Variants in ATP8A1 observed in about 807,000 individuals in gnomAD.
ATP8A1 encodes the protein ATPase phospholipid transporting 8A1, also known as phospholipid-transporting ATPase IA.
Under a neutral mutation model 177.7 loss-of-function variants are expected in ATP8A1, and 90 were observed. The ratio of observed to expected loss-of-function variants is 0.51; its 90% CI spans 0.43 to 0.60. The LOEUF (loss-of-function observed/expected upper bound fraction) is 0.60, where lower values mean the gene tolerates loss of function less well. ATP8A1 is among the 20% of genes least tolerant of loss of function. ATP8A1 has a pLI of 0.00. For synonymous variants in ATP8A1, 493 were observed against 485.9 expected (o/e 1.01, Z -0.19); for missense variants, 1,072 against 1,392.8 (o/e 0.77, Z 3.67).
intron 15 of ATP8A1, among the ~76,000 whole-genome samples, chr4:42,565,844 A>G (rs1471004849): frequency 6.6e-6 from 1 of 152,222 alleles, no homozygotes; most frequent in East Asian, 1.9e-4. Context: ...GAAAATGAGC[A>G]TATCTTAGGG....
intron 25 of ATP8A1, among the ~76,000 whole-genome samples, chr4:42,484,033 C>A (rs1004076421): frequency 5.3e-5 from 8 of 152,162 alleles, no homozygotes; most frequent in African/African-American, 1.9e-4. Context: ...TGCTTTTGAG[C>A]AATCTTTTGT....
intron 35 of ATP8A1, 40 bp downstream of exon 35, chr4:42,422,767 A>G (rs1159167060): frequency 4.0e-6 from 6 of 1,498,636 alleles, no homozygotes; most frequent in Middle Eastern, 1.7e-4. Flanking sequence ...GATAAATTTA[A>G]AGTTCATTTG....
At chr4:42,454,081 T>C (rs1375839377) in intron 29 of ATP8A1, among the ~76,000 whole-genome samples, 1 of 152,200 alleles carries the variant, frequency 6.6e-6, no homozygotes, top group Non-Finnish European at 1.5e-5. Flanking sequence ...TCAGAACCAA[T>C]GGCATAAGTT....
chr4:42,582,061 G>C (rs1733144107), intron 9 of ATP8A1, among the ~76,000 whole-genome samples: 1 of 152,124 alleles, frequency 6.6e-6, no homozygotes, highest in Admixed American at 6.5e-5. Flanking sequence ...ATGTGATTTA[G>C]AAGAGGTCAT....
intron 27 of ATP8A1, chr4:42,459,582 T>C (rs760937905): frequency 1.1e-5 from 3 of 267,756 alleles, no homozygotes; most frequent in South Asian, 7.1e-5. Flanking sequence ...ATAGAAGGGA[T>C]TGAGAATAGA....
intron 15 of ATP8A1, among the ~76,000 whole-genome samples, chr4:42,559,809 G>A (rs1373170685): frequency 6.6e-6 from 1 of 152,170 alleles, no homozygotes; most frequent in Non-Finnish European, 1.5e-5. Flanking sequence ...GGGTTCAAGC[G>A]ATTCTCCTGC....
chr4:42,428,185 T>C (rs1235531813), intron 33 of ATP8A1, among the ~76,000 whole-genome samples: 1 of 152,200 alleles, frequency 6.6e-6, no homozygotes, highest in East Asian at 1.9e-4. Context: ...CTGGAAGGGT[T>C]TGCAGTTTGT....
intron 14 of ATP8A1, among the ~76,000 whole-genome samples, chr4:42,569,455 ACTGATTTTATTCACAAAGTTCATAATT>A (rs1432324241): frequency 1.3e-5 from 2 of 152,192 alleles, no homozygotes; most frequent in African/African-American, 4.8e-5. Context: ...CAGAACATTT[ACTGATTTTATTCACAAAGTTCATAATT>A]CAGTAGGAAT....
chr4:42,587,010 A>G (rs893194022), intron 8 of ATP8A1, among the ~76,000 whole-genome samples: 4 of 152,190 alleles, frequency 2.6e-5, no homozygotes, highest in African/African-American at 9.7e-5. Context: ...TCTAGTTCCA[A>G]CACATCCCAA....
rs756455196 is a variant in ATP8A1, at chr4:42,588,319, C to T, written c.535G>A (p.Ala179Thr). 3.7e-6 allele frequency: 6 copies of T among 1,613,318 alleles called. No individual in the cohort carries two copies. Among genetic ancestry groups the T allele is most frequent in the Non-Finnish European group, 5.1e-6 (6 of 1,179,754 alleles). ...TTGGATGTTTCAATGTAGCACATGG[C>T]TTGGGGCTCACTGTAGTTTGGAGTT... ...LISLSSSEPQ[A>T]MCYIETSNLD... Residue 179 changes from alanine (A) to threonine (T), a missense_variant, in exon 8 of 37, where the codon GCC (alanine) becomes ACC (threonine). Ala to Thr is a moderately conservative substitution (Grantham distance 58). Transcript: ENST00000381668.
chr4:42,441,489 T>C (rs922425489), intron 33 of ATP8A1, among the ~76,000 whole-genome samples: 9 of 152,140 alleles, frequency 5.9e-5, no homozygotes, highest in Non-Finnish European at 1.2e-4. Context: ...CCTATATCTA[T>C]AATAAAAATG....
chr4:42,590,248 A>G (rs1018846779), intron 7 of ATP8A1, among the ~76,000 whole-genome samples: 3 of 152,222 alleles, frequency 2.0e-5, no homozygotes, highest in African/African-American at 4.8e-5. Context: ...CAAGTGGGAT[A>G]AAAGTCGATC....
chr4:42,607,588 GT>G (rs1735921706), intron 5 of ATP8A1, among the ~76,000 whole-genome samples: 1 of 151,308 alleles, frequency 6.6e-6, no homozygotes, highest in South Asian at 2.1e-4. Flanking sequence ...AGCATTTAGG[GT>G]TGTTGAGCCA....
At chr4:42,490,520 A>G (rs936081130) in intron 24 of ATP8A1, among the ~76,000 whole-genome samples, 1 of 152,128 alleles carries the variant, frequency 6.6e-6, no homozygotes. Flanking sequence ...GGCCTGTTTT[A>G]CTGAGAACAT....
intron 5 of ATP8A1, among the ~76,000 whole-genome samples, chr4:42,611,293 T>C (rs1004127200): frequency 2.0e-5 from 3 of 152,218 alleles, no homozygotes; most frequent in Admixed American, 1.3e-4. Context: ...TTTTTAGCTA[T>C]GTGTCTAGTT....
chr4:42,436,317 G>A (rs1715993539), intron 33 of ATP8A1, among the ~76,000 whole-genome samples: 1 of 74,688 alleles, frequency 1.3e-5, no homozygotes, highest in African/African-American at 5.4e-5. Flanking sequence ...CACATTAGAC[G>A]CTCGATCTAC....
chr4:42,603,226 T>G (rs1735477428), intron 5 of ATP8A1, among the ~76,000 whole-genome samples: 1 of 152,238 alleles, frequency 6.6e-6, no homozygotes, highest in African/African-American at 2.4e-5. Context: ...GCTATCTTTC[T>G]GTACTTATTT....
At chr4:42,499,979 G>A (rs1307825782) in intron 24 of ATP8A1, among the ~76,000 whole-genome samples, 2 of 152,146 alleles carry the variant, frequency 1.3e-5, no homozygotes, top group Non-Finnish European at 2.9e-5. Context: ...GAAGTCTGTG[G>A]GACATTTCCT....
Position 42,539,591 on chromosome 4 carries a change from G to A in ATP8A1, c.1722+4326C>T, listed in dbSNP as rs550867965. Among the ~76,000 whole-genome samples the A allele has an allele frequency of 5.3e-5, 8 of 151,984 alleles. No homozygotes were observed. The East Asian group carries it at 1.5e-3, about 29-fold the overall frequency. On this transcript the variant is annotated intron_variant, in intron 20 of 36. Coordinates refer to ENST00000381668, the MANE Select transcript of ATP8A1 (RefSeq NM_006095.2). ...ATAGTAACCAAACAACATGGTATTG[G>A]TACAAAAATAGACACATAAATCTAG...
Sources: gnomAD v4.1 joint callset for allele counts (sites outside exome capture counted in the v4.1 genomes callset) on GRCh38, gnomAD v4.1.1 for gene constraint, MANE v1.5 for transcripts, NCBI Gene and HGNC (gene_info 2026-07-23, HGNC 2026-07-21) for gene names.